TAOK3: variants seen among roughly 807,000 people sequenced by gnomAD.
TAOK3 encodes the protein serine/threonine-protein kinase TAO3.
Under a neutral mutation model 120.4 loss-of-function variants are expected in TAOK3, and 40 were observed. The observed-to-expected ratio is 0.33, with a 90% CI of 0.26 to 0.43. The LOEUF (loss-of-function observed/expected upper bound fraction) is 0.43. TAOK3 is among the 20% of genes least tolerant of loss of function. TAOK3 has a pLI of 1.00. For synonymous variants in TAOK3, 355 were observed against 387.5 expected (o/e 0.92, Z 0.99); for missense variants, 821 against 1,112.1 (o/e 0.74, Z 3.72).
Position 118,239,993 on chromosome 12 carries a change from C to T in TAOK3, c.295-721G>A, listed in dbSNP as rs554855201. On this transcript the variant is annotated intron_variant, in intron 5 of 20. Coordinates refer to ENST00000392533, the MANE Select transcript of TAOK3 (RefSeq NM_016281.4). ...ACCAGCCTAGTCAACATGGTGAAAC[C>T]CCATCTCTACTAAAAATACAAAAAA... 1.9e-4 allele frequency among the ~76,000 whole-genome samples: 29 copies of T among 152,074 alleles called. No homozygotes were observed. In the East Asian group the frequency reaches 5.6e-3, roughly 30 times the overall value.
chr12:118,177,981 C>G (rs1218319156), intron 15 of TAOK3, among the ~76,000 whole-genome samples: 2 of 152,014 alleles, frequency 1.3e-5, no homozygotes, highest in Non-Finnish European at 2.9e-5. Context: ...AGGTCTCGCT[C>G]TGTCGCTCAG....
At chr12:118,331,336 C>T (rs2044137207) in intron 1 of TAOK3, among the ~76,000 whole-genome samples, 1 of 151,984 alleles carries the variant, frequency 6.6e-6, no homozygotes, top group East Asian at 1.9e-4. Context: ...ACTTTGGGCC[C>T]ACTGCTTACT....
chr12:118,290,006 A>G (rs78335886), intron 1 of TAOK3, among the ~76,000 whole-genome samples: 16 of 152,166 alleles, frequency 1.1e-4, no homozygotes, highest in Admixed American at 4.6e-4. Context: ...AAAAAAAAAA[A>G]AGAGAAAGAA....
intron 1 of TAOK3, among the ~76,000 whole-genome samples, chr12:118,286,783 G>A (rs2042282870): frequency 6.6e-6 from 1 of 152,156 alleles, no homozygotes; most frequent in South Asian, 2.1e-4. Context: ...GTTTATAGCA[G>A]CACAATTTGC....
At chr12:118,196,849 C>T (rs578256484) in intron 13 of TAOK3, among the ~76,000 whole-genome samples, 36 of 152,258 alleles carry the variant, frequency 2.4e-4, no homozygotes, top group South Asian at 6.2e-4. Context: ...TATGCTGCGC[C>T]AGGCACTATT....
intron 12 of TAOK3, 22 bp from the exon 13 acceptor site, chr12:118,199,279 G>T: frequency 6.3e-7 from 1 of 1,576,254 alleles, no homozygotes; most frequent in Non-Finnish European, 8.7e-7. Context: ...GGGCACTGAG[G>T]TTAGAAAAAA....
chr12:118,182,621 A>T (rs868686817), intron 14 of TAOK3, among the ~76,000 whole-genome samples: 6,450 of 98,418 alleles, frequency 0.066, 235 homozygotes, highest in Middle Eastern at 0.1. Context: ...ATATATATAT[A>T]TATTTTTTTT....
At chr12:118,194,438 T>C (rs1181233663) in intron 13 of TAOK3, among the ~76,000 whole-genome samples, 2 of 152,122 alleles carry the variant, frequency 1.3e-5, no homozygotes, top group Non-Finnish European at 2.9e-5. Context: ...AGAGAAGTGT[T>C]GTATGACTGC....
rs1362239963 is a variant in TAOK3 at position 118,149,805 on chromosome 12, A to G, written c.*1192T>C. On this transcript the variant is annotated 3_prime_UTR_variant, in exon 21 of 21. Coordinates refer to ENST00000392533, the MANE Select transcript of TAOK3 (RefSeq NM_016281.4). ...TACAATAACACAGCAAGGCGATGTG[A>G]TGAACACTTTTATTTACAAATATAA... is the stretch of plus-strand genomic sequence containing the variant. 6.6e-6 allele frequency: 1 copy of G among 152,224 alleles called. No homozygotes were observed. The highest frequency in any genetic ancestry group is 1.5e-5 in the Non-Finnish European group (1 of 68,040). The allele number at this position is 152,224 out of a possible 1,614,324, so 9.4% of individuals were successfully genotyped here.
intron 3 of TAOK3, among the ~76,000 whole-genome samples, chr12:118,249,935 T>G (rs1327840769): frequency 6.6e-6 from 1 of 152,230 alleles, no homozygotes; most frequent in Non-Finnish European, 1.5e-5. Context: ...AAAGATAGAA[T>G]TAAACTATTT....
intron 1 of TAOK3, among the ~76,000 whole-genome samples, chr12:118,359,936 A>C (rs1271135953): frequency 2.0e-5 from 3 of 152,170 alleles, no homozygotes; most frequent in Admixed American, 1.3e-4. Context: ...AATTTATTTC[A>C]ATACTTTCAT....
At chr12:118,215,067 G>A (rs745917958) in intron 9 of TAOK3, among the ~76,000 whole-genome samples, 1 of 151,000 alleles carries the variant, frequency 6.6e-6, no homozygotes, top group Non-Finnish European at 1.5e-5. Context: ...TTTTAGTAGA[G>A]AGGGGGTTTC....
chr12:118,195,867 G>A (rs944644720), intron 13 of TAOK3, among the ~76,000 whole-genome samples: 1 of 151,906 alleles, frequency 6.6e-6, no homozygotes, highest in African/African-American at 2.4e-5. Flanking sequence ...CGGCTAACAC[G>A]GTGAAACCCT....
intron 20 of TAOK3, among the ~76,000 whole-genome samples, 188 bp downstream of exon 20, chr12:118,152,039 C>T (rs761601191): frequency 6.6e-6 from 1 of 152,138 alleles, no homozygotes; most frequent in Non-Finnish European, 1.5e-5. Flanking sequence ...GTCAGACATG[C>T]GTGCCTTGGT....
At chr12:118,207,822 T>G (rs1321272935) in intron 11 of TAOK3, among the ~76,000 whole-genome samples, 5 of 149,358 alleles carry the variant, frequency 3.3e-5, no homozygotes, top group Non-Finnish European at 4.5e-5. Flanking sequence ...ATCGCGCCAC[T>G]GCACTCCAGC....
chr12:118,200,018 C>T (rs1420458725), intron 12 of TAOK3: 1 of 152,062 alleles, frequency 6.6e-6, no homozygotes, highest in Non-Finnish European at 1.5e-5. Flanking sequence ...AAACCTTGTT[C>T]TCAAAAAACC....
At chr12:118,365,636 T>C (rs766498509) in intron 1 of TAOK3, among the ~76,000 whole-genome samples, 40 of 152,234 alleles carry the variant, frequency 2.6e-4, no homozygotes, top group Non-Finnish European at 5.1e-4. Context: ...TCTACTAGTT[T>C]GCTGATCATT....
intron 20 of TAOK3, 131 bp from the exon 21 acceptor site, chr12:118,151,289 G>GCGCACACACACA (rs1214641528): frequency 4.4e-4 from 112 of 253,102 alleles, no homozygotes; most frequent in African/African-American, 3.5e-3. Flanking sequence ...GCGCGCGCGC[G>GCGCACACACACA]CACACACACA....
At chr12:118,202,068 C>A (rs188389197) in intron 11 of TAOK3, among the ~76,000 whole-genome samples, 122 of 151,658 alleles carry the variant, frequency 8.0e-4, no homozygotes, top group African/African-American at 2.8e-3. Context: ...TGGTTTATCT[C>A]ACTTAGCATA....
Sources: gnomAD v4.1 joint callset for allele counts (sites outside exome capture counted in the v4.1 genomes callset) on GRCh38, gnomAD v4.1.1 for gene constraint, MANE v1.5 for transcripts, NCBI Gene and HGNC (gene_info 2026-07-23, HGNC 2026-07-21) for gene names.